KDM4C: variants seen among roughly 807,000 people sequenced by gnomAD.
KDM4C encodes lysine-specific demethylase 4C.
A neutral mutation model predicts 129.3 loss-of-function variants in KDM4C; 81 were observed. The ratio of observed to expected loss-of-function variants is 0.63; its 90% confidence interval spans 0.52 to 0.75. The LOEUF (loss-of-function observed/expected upper bound fraction) is 0.75. Ranked by LOEUF, KDM4C falls within the 30% of genes least tolerant of loss-of-function variation. The pLI, the probability that KDM4C is intolerant of heterozygous loss-of-function variation, is 0.00. For synonymous variants in KDM4C, 573 were observed against 456.1 expected (o/e 1.26, Z -3.26); for missense variants, 1,457 against 1,304.0 (o/e 1.12, Z -1.81).
intron 8 of KDM4C, among the ~76,000 whole-genome samples, chr9:6,937,919 C>T (rs1589206573): frequency 2.0e-5 from 3 of 151,990 alleles, no homozygotes; most frequent in Non-Finnish European, 4.4e-5. Flanking sequence ...ACCATGTTGG[C>T]CAGGCTGGTC....
chr9:7,123,265 C>T (rs915570125), intron 18 of KDM4C, among the ~76,000 whole-genome samples: 11 of 152,280 alleles, frequency 7.2e-5, no homozygotes, highest in African/African-American at 2.2e-4. Context: ...ATAAAGCCTG[C>T]ATCACCTTCC....
intron 4 of KDM4C, among the ~76,000 whole-genome samples, chr9:6,846,224 C>T (rs975563594): frequency 4.6e-5 from 7 of 151,106 alleles, no homozygotes; most frequent in Non-Finnish European, 1.0e-4. Context: ...AAGGGAAGGT[C>T]CAGGAGTCAG....
At chr9:6,866,380 G>T (rs1841982452) in intron 5 of KDM4C, among the ~76,000 whole-genome samples, 1 of 152,106 alleles carries the variant, frequency 6.6e-6, no homozygotes, top group African/African-American at 2.4e-5. Context: ...GGATCAGAGT[G>T]CCCCCTGTCC....
At chr9:7,164,269 A>G (rs1246273696) in intron 19 of KDM4C, among the ~76,000 whole-genome samples, 1 of 152,162 alleles carries the variant, frequency 6.6e-6, no homozygotes, top group Non-Finnish European at 1.5e-5. Context: ...TACTCAATAC[A>G]TACAAATTTA....
intron 8 of KDM4C, among the ~76,000 whole-genome samples, chr9:6,951,567 T>C (rs962075336): frequency 6.6e-6 from 1 of 152,204 alleles, no homozygotes; most frequent in African/African-American, 2.4e-5. Context: ...GTGGGGGCTA[T>C]TGAGTATCTC....
At chr9:7,110,685 T>C (rs1838225245) in intron 18 of KDM4C, among the ~76,000 whole-genome samples, 1 of 152,166 alleles carries the variant, frequency 6.6e-6, no homozygotes, top group African/African-American at 2.4e-5. Context: ...AGTTTACAGT[T>C]CCTTTGAAGA....
chr9:6,855,254 T>G (rs1839590479), intron 5 of KDM4C, among the ~76,000 whole-genome samples: 1 of 150,992 alleles, frequency 6.6e-6, no homozygotes, highest in South Asian at 2.1e-4. Context: ...AGGTCAGGAG[T>G]TCGAGACTAG....
At chr9:6,877,725 A>T (rs1267768955) in intron 5 of KDM4C, among the ~76,000 whole-genome samples, 2 of 152,234 alleles carry the variant, frequency 1.3e-5, no homozygotes, top group East Asian at 3.8e-4. Context: ...CATGGCAAGA[A>T]CAATGATTTG....
chr9:6,932,674 G>A (rs376003371), intron 8 of KDM4C, among the ~76,000 whole-genome samples: 3 of 152,168 alleles, frequency 2.0e-5, no homozygotes, highest in African/African-American at 7.2e-5. Flanking sequence ...ACTGCAACCC[G>A]TGTGTGGCCA....
At chr9:6,860,203 G>GA (rs1840671927) in intron 5 of KDM4C, among the ~76,000 whole-genome samples, 1 of 152,076 alleles carries the variant, frequency 6.6e-6, no homozygotes, top group Admixed American at 6.6e-5. Flanking sequence ...GGGATGGGGG[G>GA]GCGTTTGGAG....
intron 7 of KDM4C, among the ~76,000 whole-genome samples, chr9:6,891,361 C>G (rs910065514): frequency 1.3e-5 from 2 of 152,138 alleles, no homozygotes; most frequent in African/African-American, 4.8e-5. Flanking sequence ...ATGCTACAAC[C>G]TGGGTGAACT....
rs1837358124 is a variant in KDM4C, at chr9:7,103,696, C to T, written c.2436C>T (p.Phe812=). 6.2e-7 allele frequency: 1 copy of T among 1,602,094 alleles called. No individual in the cohort carries two copies. Residue 812 remains phenylalanine (F), a synonymous_variant, in exon 18 of 22, where the codon TTC becomes TTT. Coordinates refer to ENST00000381309, the MANE Select transcript of KDM4C (RefSeq NM_015061.6). ...PLQRLKLKCI[F]CRHRVKRVSG... ...TTTTAACCTTCCAGAAATGCATCTT[C>T]TGCAGACACCGGGTTAAGAGGGTCT...
chr9:6,943,506 C>G (rs1047858282), intron 8 of KDM4C, among the ~76,000 whole-genome samples: 4 of 152,002 alleles, frequency 2.6e-5, no homozygotes, highest in African/African-American at 7.3e-5. Context: ...CCCAGGAGTT[C>G]TAGATCAGCC....
chr9:7,029,362 A>G (rs369388375), intron 15 of KDM4C, among the ~76,000 whole-genome samples: 7 of 150,772 alleles, frequency 4.6e-5, no homozygotes, highest in African/African-American at 1.7e-4. Flanking sequence ...ATACATCAAC[A>G]CTACTTTAGG....
rs1554721068 is a variant in KDM4C, at chr9:6,856,541, T to TGCGTGC, written c.629+6842_629+6843insCGTGCG. On this transcript the variant is annotated intron_variant, in intron 5 of 21. Coordinates refer to ENST00000381309, the MANE Select transcript of KDM4C (RefSeq NM_015061.6). ...TTAGGCATATCTCTCTCTGTGTGCG[T>TGCGTGC]GTGTGTGTGTGTGTGTGTGTGTGTG... is the stretch of plus-strand genomic sequence containing the variant. Among the ~76,000 whole-genome samples the TGCGTGC allele has an allele frequency of 6.5e-4, 63 of 97,406 alleles. 1 individual carries two copies. Among genetic ancestry groups the TGCGTGC allele is most frequent in the African/African-American group, 1.9e-3 (53 of 27,446 alleles). 63.9% of individuals were successfully genotyped at this position (97,406 alleles called of 152,430 possible).
At chr9:7,073,164 G>A (rs1349749615) in intron 17 of KDM4C, among the ~76,000 whole-genome samples, 1 of 152,114 alleles carries the variant, frequency 6.6e-6, no homozygotes, top group East Asian at 1.9e-4. Context: ...TTCTTAGAAT[G>A]CTTTTGGCAT....
Position 7,169,886 on chromosome 9 carries a change from G to T in KDM4C, c.2990G>T (p.Arg997Leu), listed in dbSNP as rs773233064. 6.2e-7 allele frequency: 1 copy of T among 1,613,992 alleles called. No homozygotes were observed. Residue 997 changes from arginine (R) to leucine (L), a missense_variant, in exon 21 of 22, where the codon CGA becomes CTA. Coordinates refer to ENST00000381309, the MANE Select transcript of KDM4C (RefSeq NM_015061.6). Reference protein sequence around the residue: ...DEELPKRVKARFSTASDMRFE... With the variant: ...DEELPKRVKALFSTASDMRFE... Reference sequence around the variant, plus strand: ...GAGTTACCCAAGAGAGTGAAAGCTCGATTTGTAAGTGCTGGCAGATGCCAC... The same window carrying T: ...GAGTTACCCAAGAGAGTGAAAGCTCTATTTGTAAGTGCTGGCAGATGCCAC...
At chr9:6,780,462 C>G (rs1824081894) in intron 1 of KDM4C, among the ~76,000 whole-genome samples, 1 of 151,492 alleles carries the variant, frequency 6.6e-6, no homozygotes, top group African/African-American at 2.4e-5. Context: ...AAAACAAACC[C>G]ACAAAAAAAC....
chr9:6,790,822 G>A (rs1328606715), intron 1 of KDM4C, among the ~76,000 whole-genome samples: 1 of 152,080 alleles, frequency 6.6e-6, no homozygotes, highest in Non-Finnish European at 1.5e-5. Context: ...CATTCTGTGT[G>A]CCTGTCTCAT....
Sources: allele counts gnomAD v4.1 joint callset (sites outside exome capture counted in the v4.1 genomes callset), GRCh38; gene constraint gnomAD v4.1.1; transcripts MANE v1.5; gene names NCBI Gene and HGNC (gene_info 2026-07-23, HGNC 2026-07-21).